NOS1AP: variants seen among roughly 807,000 people sequenced by gnomAD.
The protein encoded by NOS1AP is nitric oxide synthase 1 adaptor protein.
Under a neutral mutation model 56.2 loss-of-function variants are expected in NOS1AP, and 21 were observed. The observed-to-expected ratio is 0.37, with a 90% CI of 0.26 to 0.54. The LOEUF (loss-of-function observed/expected upper bound fraction) is 0.54, where lower values mean the gene tolerates loss of function less well. Among genes scored for constraint, NOS1AP ranks in the 20% least tolerant of loss-of-function variants. NOS1AP has a pLI of 0.84. For synonymous variants in NOS1AP, 270 were observed against 274.6 expected (o/e 0.98, Z 0.17); for missense variants, 522 against 657.8 (o/e 0.79, Z 2.26).
At chr1:162,310,772 A>T (rs1361955601) in intron 4 of NOS1AP, among the ~76,000 whole-genome samples, 1 of 152,070 alleles carries the variant, frequency 6.6e-6, no homozygotes, top group Non-Finnish European at 1.5e-5. Flanking sequence ...TCTACCTGTC[A>T]ACCCTGTATA....
chr1:162,310,119 G>T (rs1419913715), intron 4 of NOS1AP, among the ~76,000 whole-genome samples: 1 of 152,018 alleles, frequency 6.6e-6, no homozygotes, highest in African/African-American at 2.4e-5. Context: ...ATCTTCACAT[G>T]CCCCACGCTC....
intron 2 of NOS1AP, among the ~76,000 whole-genome samples, chr1:162,279,646 G>A (rs554654428): frequency 3.9e-4 from 60 of 152,312 alleles, no homozygotes; most frequent in African/African-American, 1.4e-3. Context: ...GGTGTGGAAT[G>A]TTCCTGGTCC....
chr1:162,142,127 C>G (rs1311324992), intron 1 of NOS1AP, among the ~76,000 whole-genome samples: 1 of 152,186 alleles, frequency 6.6e-6, no homozygotes, highest in Admixed American at 6.5e-5. Context: ...TATTAACTCA[C>G]AACTCTGATA....
chr1:162,196,869 A>T (rs1312990278), intron 2 of NOS1AP, among the ~76,000 whole-genome samples: 1 of 152,244 alleles, frequency 6.6e-6, no homozygotes, highest in African/African-American at 2.4e-5. Context: ...TCTAGAGTAG[A>T]GTAGGGCTGG....
chr1:162,338,791 A>G (rs1657016299), intron 5 of NOS1AP: 3 of 152,206 alleles, frequency 2.0e-5, no homozygotes. Context: ...CTTTTGATTT[A>G]TGTCTTCCTA....
At chr1:162,264,465 C>CTT (rs1189328918) in intron 2 of NOS1AP, among the ~76,000 whole-genome samples, 2,254 of 29,498 alleles carry the variant, frequency 0.076, 372 homozygotes, top group Admixed American at 0.1. Context: ...CTTCTCTTCT[C>CTT]CTCCCCTCCC....
intron 1 of NOS1AP, among the ~76,000 whole-genome samples, chr1:162,120,391 G>A (rs1648158275): frequency 6.6e-6 from 1 of 152,154 alleles, no homozygotes; most frequent in African/African-American, 2.4e-5. Flanking sequence ...AGGGAAACAA[G>A]GAAAGAATTG....
intron 1 of NOS1AP, among the ~76,000 whole-genome samples, chr1:162,092,584 GT>G (rs1237719609): frequency 6.6e-6 from 1 of 152,104 alleles, no homozygotes; most frequent in Non-Finnish European, 1.5e-5. Context: ...TGGTCTTTTT[GT>G]TTCTTTGGGC....
intron 2 of NOS1AP, among the ~76,000 whole-genome samples, chr1:162,205,021 C>G (rs1311657153): frequency 1.3e-5 from 2 of 152,200 alleles, no homozygotes; most frequent in Non-Finnish European, 2.9e-5. Context: ...CACAAGCCAT[C>G]TGAACTGTTT....
chr1:162,285,475 A>G (rs1392271862), intron 2 of NOS1AP, among the ~76,000 whole-genome samples: 1 of 152,094 alleles, frequency 6.6e-6, no homozygotes, highest in Non-Finnish European at 1.5e-5. Context: ...ACACAATGCA[A>G]ACTGGAGCCA....
chr1:162,208,867 C>T (rs1349838552), intron 2 of NOS1AP, among the ~76,000 whole-genome samples: 10 of 152,222 alleles, frequency 6.6e-5, no homozygotes, highest in Non-Finnish European at 8.8e-5. Context: ...CCTGGTTGCA[C>T]CACCTTCATG....
intron 2 of NOS1AP, among the ~76,000 whole-genome samples, chr1:162,198,754 T>C (rs1392134316): frequency 2.6e-5 from 4 of 152,170 alleles, no homozygotes; most frequent in African/African-American, 4.8e-5. Flanking sequence ...GTCATGCTCT[T>C]TGCTGGAACT....
At chr1:162,251,559 C>T (rs73019417) in intron 2 of NOS1AP, among the ~76,000 whole-genome samples, 7,535 of 151,802 alleles carry the variant, frequency 0.05, 560 homozygotes, top group African/African-American at 0.17. Context: ...AGGAGTCAAG[C>T]TCCAATCTGT....
intron 4 of NOS1AP, among the ~76,000 whole-genome samples, chr1:162,322,655 G>A (rs1656459961): frequency 6.6e-6 from 1 of 152,176 alleles, no homozygotes; most frequent in Admixed American, 6.5e-5. Flanking sequence ...ATCAGTCAGG[G>A]ATGATAAAGA....
At chr1:162,178,353 G>A (rs1406195979) in intron 2 of NOS1AP, among the ~76,000 whole-genome samples, 1 of 152,158 alleles carries the variant, frequency 6.6e-6, no homozygotes. Flanking sequence ...CATTCCATTT[G>A]AATAAAGGTG....
intron 2 of NOS1AP, among the ~76,000 whole-genome samples, chr1:162,177,412 A>AAC (rs1312540550): frequency 2.6e-5 from 4 of 151,946 alleles, no homozygotes; most frequent in Non-Finnish European, 5.9e-5. Context: ...GCCCTTTCAG[A>AAC]TCTTTGGGGT....
intron 1 of NOS1AP, among the ~76,000 whole-genome samples, chr1:162,072,415 A>G (rs1040756852): frequency 1.3e-5 from 2 of 152,114 alleles, no homozygotes; most frequent in Non-Finnish European, 2.9e-5. Context: ...TTCTAAGCAA[A>G]TGTCTGGGGG....
intron 2 of NOS1AP, among the ~76,000 whole-genome samples, chr1:162,254,688 A>G (rs1214765923): frequency 6.6e-6 from 1 of 152,226 alleles, no homozygotes; most frequent in East Asian, 1.9e-4. Flanking sequence ...AGTGTGCTCT[A>G]AATTAACTAC....
intron 1 of NOS1AP, among the ~76,000 whole-genome samples, chr1:162,080,038 G>A (rs893949326): frequency 2.6e-5 from 4 of 152,076 alleles, no homozygotes; most frequent in Non-Finnish European, 5.9e-5. Flanking sequence ...TCTTAAGTAC[G>A]GTATTGTCTG....
Sources: allele counts gnomAD v4.1 joint callset (sites outside exome capture counted in the v4.1 genomes callset), GRCh38; gene constraint gnomAD v4.1.1; transcripts MANE v1.5; gene names NCBI Gene and HGNC (gene_info 2026-07-23, HGNC 2026-07-21).